Variants in LRRC37A2 observed in about 807,000 individuals in gnomAD.
The protein encoded by LRRC37A2 is leucine rich repeat containing 37 member A2.
Under a neutral mutation model 68.8 loss-of-function variants are expected in LRRC37A2, and 9 were observed. The observed-to-expected ratio is 0.13, with a 90% CI of 0.08 to 0.23. The LOEUF is 0.23. Ranked by LOEUF, LRRC37A2 falls within the 10% of genes least tolerant of loss-of-function variation. The probability of loss-of-function intolerance (pLI) is 1.00; values close to 1 mark genes in which losing one functional copy is unlikely to be tolerated. For synonymous variants in LRRC37A2, 63 were observed against 367.6 expected (o/e 0.17, Z 9.48); for missense variants, 168 against 950.4 (o/e 0.18, Z 10.82).
At chr17:46,886,941 C>T in the LRRC37A2 span, among the ~76,000 whole-genome samples, 5 of 152,226 alleles carry the variant, frequency 3.3e-5, no homozygotes, top group African/African-American at 9.6e-5. Context: ...CTCAGCCTCC[C>T]GAGTAGCTGG....
chr17:46,532,807 G>C (rs1287905738), intron 6 of LRRC37A2, among the ~76,000 whole-genome samples: 1 of 149,036 alleles, frequency 6.7e-6, no homozygotes, highest in Non-Finnish European at 1.5e-5. Flanking sequence ...TAATAATTTG[G>C]TCTTCTGTAT....
chr17:46,809,738 G>A, the LRRC37A2 span, among the ~76,000 whole-genome samples: 1 of 152,184 alleles, frequency 6.6e-6, no homozygotes, highest in African/African-American at 2.4e-5. Context: ...GGATAACCAA[G>A]CCCCATGCCC....
chr17:46,944,593 T>C, the LRRC37A2 span, among the ~76,000 whole-genome samples: 1 of 148,204 alleles, frequency 6.7e-6, no homozygotes, highest in South Asian at 2.2e-4. Flanking sequence ...GGCCTGGGCT[T>C]CAGAATTTTT....
At chr17:46,797,340 C>A in the LRRC37A2 span, among the ~76,000 whole-genome samples, 1 of 152,134 alleles carries the variant, frequency 6.6e-6, no homozygotes, top group Non-Finnish European at 1.5e-5. Flanking sequence ...AGAGGACTCC[C>A]AGGAAGACGG....
At chr17:46,768,334 G>T in the LRRC37A2 span, 7 of 1,613,564 alleles carry the variant, frequency 4.3e-6, no homozygotes, top group Admixed American at 1.2e-4. This position sits in a 1 kb window ranked among gnomAD's most constrained non-coding sequence, Gnocchi z 5.0. Flanking sequence ...TTGCAGGTGT[G>T]CACGTCGTAG....
chr17:46,966,522 T>C, the LRRC37A2 span: 1 of 689,528 alleles, frequency 1.5e-6, no homozygotes, highest in Non-Finnish European at 2.6e-6. Context: ...TAATTTTTTG[T>C]ATTTTTTGCA....
the LRRC37A2 span, among the ~76,000 whole-genome samples, chr17:46,911,748 G>T: frequency 1.3e-5 from 2 of 152,160 alleles, no homozygotes; most frequent in Non-Finnish European, 2.9e-5. Flanking sequence ...GCCGGGCATG[G>T]TGGCACACGC....
chr17:46,539,318 A>G (rs2054837088), intron 6 of LRRC37A2, among the ~76,000 whole-genome samples: 1 of 119,740 alleles, frequency 8.4e-6, no homozygotes. Context: ...AAAGGCTGTG[A>G]TGTCATACAA....
chr17:46,761,803 A>T, the LRRC37A2 span, among the ~76,000 whole-genome samples: 1 of 152,396 alleles, frequency 6.6e-6, no homozygotes, highest in East Asian at 1.9e-4. Context: ...GTCTGTTGTC[A>T]TAAAACCAAC....
At chr17:46,896,001 G>T in the LRRC37A2 span, among the ~76,000 whole-genome samples, 1 of 152,070 alleles carries the variant, frequency 6.6e-6, no homozygotes, top group South Asian at 2.1e-4. Context: ...AGGCCAGGCT[G>T]GGCGCAGTGG....
the LRRC37A2 span, among the ~76,000 whole-genome samples, chr17:46,822,397 C>T: frequency 6.6e-6 from 1 of 152,222 alleles, no homozygotes; most frequent in African/African-American, 2.4e-5. Flanking sequence ...AAGCCCCTGA[C>T]CTGCACCGAG....
the LRRC37A2 span, chr17:46,931,935 T>C: frequency 3.8e-6 from 3 of 786,338 alleles, no homozygotes; most frequent in Non-Finnish European, 6.8e-6. Flanking sequence ...GATCTTGTGG[T>C]GAGGGGGTAT....
chr17:46,575,450 A>C, the LRRC37A2 span, among the ~76,000 whole-genome samples: 1 of 150,598 alleles, frequency 6.6e-6, no homozygotes, highest in Admixed American at 6.6e-5. Context: ...AGATGCTGCC[A>C]CTAAGGAAGG....
At chr17:46,806,122 G>GC in the LRRC37A2 span, among the ~76,000 whole-genome samples, 1 of 151,830 alleles carries the variant, frequency 6.6e-6, no homozygotes, top group Admixed American at 6.6e-5. Flanking sequence ...CACTGGAGCC[G>GC]CCCACTTGCT....
chr17:46,810,295 C>G, the LRRC37A2 span, among the ~76,000 whole-genome samples: 3 of 152,118 alleles, frequency 2.0e-5, no homozygotes, highest in African/African-American at 4.8e-5. Context: ...GGCGTAAGCC[C>G]CATGCCCAGC....
chr17:46,743,042 ATGAG>A, the LRRC37A2 span, among the ~76,000 whole-genome samples: 1 of 152,150 alleles, frequency 6.6e-6, no homozygotes. Flanking sequence ...CCACGCTGCC[ATGAG>A]TCCTTCTGAC....
the LRRC37A2 span, among the ~76,000 whole-genome samples, chr17:46,408,349 A>G: frequency 2.7e-5 from 1 of 37,308 alleles, no homozygotes; most frequent in African/African-American, 5.0e-5. Context: ...GCATAACAGG[A>G]TTTGAAGCTT....
At chr17:46,395,513 CA>C in the LRRC37A2 span, among the ~76,000 whole-genome samples, 8 of 3,582 alleles carry the variant, frequency 2.2e-3, no homozygotes, top group Non-Finnish European at 4.5e-4. Flanking sequence ...CTTGTTTCTA[CA>C]AAAAAAAAAA....
the LRRC37A2 span, among the ~76,000 whole-genome samples, chr17:46,857,474 CA>C: frequency 0.11 from 10,567 of 94,444 alleles, 241 homozygotes; most frequent in South Asian, 0.15. Context: ...GACTCTGTCT[CA>C]AAAAAAAAAA....
Sources: gnomAD v4.1 joint callset for allele counts (sites outside exome capture counted in the v4.1 genomes callset) on GRCh38, gnomAD v4.1.1 for gene constraint, Gnocchi (gnomAD v3.1) non-coding constraint, MANE v1.5 for transcripts, NCBI Gene and HGNC (gene_info 2026-07-23, HGNC 2026-07-21) for gene names.